MYH3: variants seen among roughly 807,000 people sequenced by gnomAD.
The protein encoded by MYH3 is myosin-3.
A neutral mutation model predicts 238.0 loss-of-function variants in MYH3; 130 were observed. The ratio of observed to expected loss-of-function variants is 0.55; its 90% CI spans 0.47 to 0.63. MYH3 has a LOEUF of 0.63. Ranked by LOEUF, MYH3 falls within the 30% of genes least tolerant of loss-of-function variation. The pLI is 0.00. For missense variants in MYH3, 1,853 were observed against 2,374.9 expected (o/e 0.78, Z 4.57); for synonymous variants, 880 against 924.1 (o/e 0.95, Z 0.86).
chr17:10,677,873 T>C, the MYH3 span: 1 of 152,270 alleles, frequency 6.6e-6, no homozygotes, highest in Non-Finnish European at 1.5e-5. Flanking sequence ...TCCCAGCACT[T>C]TGGGAGGCCG....
chr17:10,642,841 G>T lies in MYH3; in HGVS notation c.1566C>A (p.Ile522=), dbSNP rs146873206. The T allele has an allele frequency of 4.5e-4, 726 of 1,614,116 alleles. 6 individuals carry two copies. The African/African-American group carries it at 8.4e-3, about 19-fold the overall frequency. ...AACTGGATACCTTCTCGATGAGCTC[G>T]ATGCAGGCAGCCAGGTCCATCCCGA... The part of the protein sequence containing the change: ...IDFGMDLAAC[I]ELIEKPMGIF... Residue 522 remains isoleucine (I), a synonymous_variant, in exon 15 of 41, where the codon ATC becomes ATA. Transcript: ENST00000583535. This position sits in a 1 kb window ranked among gnomAD's most constrained non-coding sequence, Gnocchi z 5.4.
chr17:10,640,007 G>T lies in MYH3; in HGVS notation c.2671C>A (p.Gln891Lys). Residue 891 changes from glutamine (Q) to lysine (K), a missense_variant, in exon 22 of 41, where the codon CAA becomes AAA. Physicochemically the swap from Gln to Lys is moderately conservative, Grantham distance 53. Around this residue, in one of 3 missense-constraint regions of MYH3, gnomAD observed 678 missense variants for 1,058.9 expected, o/e 0.64. Transcript: ENST00000583535. ...LVQEKNDLQL[Q>K]VQAESENLLD... The stretch of plus-strand genomic sequence containing the variant: ...TGCTAAACACGTACAGCTTGTACTT[G>T]GAGCTGCAGGTCATTCTTCTCTTGG... 1 of 1,613,454 alleles carries T rather than the reference G, an allele frequency of 6.2e-7. No individual in the cohort carries two copies. The highest frequency in any genetic ancestry group is 1.7e-4 in the Middle Eastern group (1 of 5,998).
chr17:10,642,031 T>C lies in MYH3; in HGVS notation c.1959+209A>G, dbSNP rs1470917128. On this transcript the variant is annotated intron_variant, in intron 17 of 40. Coordinates refer to ENST00000583535, the MANE Select transcript of MYH3 (RefSeq NM_002470.4). The surrounding 1 kb of genome is among the most constrained non-coding windows in gnomAD (Gnocchi z 5.4). ...AAACTCGGACAAGCCAACTCAGCTA[T>C]CTTTGGTATAAGATAATAGTGATAC... Among the ~76,000 whole-genome samples the C allele has an allele frequency of 6.6e-6, 1 of 152,224 alleles. No homozygotes were observed. Among genetic ancestry groups the C allele is most frequent in the African/African-American group, 2.4e-5 (1 of 41,452 alleles).
Position 10,634,188 on chromosome 17 carries a change from A to G in MYH3, c.4357-6T>C, listed in dbSNP as rs1413902163. 1 of 1,614,008 alleles carries G rather than the reference A, an allele frequency of 6.2e-7. No individual in the cohort carries two copies. Among genetic ancestry groups the G allele is most frequent in the East Asian group, 2.2e-5 (1 of 44,890 alleles). ...GTCTTCCACTCTGCCAACACCTGAA[A>G]CACCGGACGGAAGTTCTCTCCGTTT... On this transcript the variant is annotated splice_region_variant and splice_polypyrimidine_tract_variant and intron_variant, in intron 31 of 40. Transcript: ENST00000583535.
Position 10,631,894 on chromosome 17 carries a change from C to T in MYH3, c.5079G>A (p.Leu1693=). 3 of 1,614,184 alleles carry T rather than the reference C, an allele frequency of 1.9e-6. No homozygotes were observed. The highest frequency in any genetic ancestry group is 2.5e-6 in the Non-Finnish European group (3 of 1,180,036). The change falls in exon 35 of 41, where the codon CTG becomes CTA. Residue 1693 remains leucine, a synonymous_variant. Transcript: ENST00000583535. The part of the protein sequence containing the change: ...QAEVEELRAT[L]EQTERARKLA... ...GTTTCCGGGCCCTCTCCGTCTGCTCCAGAGTAGCCCGCAGCTCCTCCACCT... is the reference window on the plus strand; with the variant it reads ...GTTTCCGGGCCCTCTCCGTCTGCTCTAGAGTAGCCCGCAGCTCCTCCACCT...
Position 10,649,565 on chromosome 17 carries a change from T to TC in MYH3, c.642+11dup. ...AGTGGAAGCAAAGCAAGCCTTCCTC[T>TC]CCCATCTATACCTTCATTTTGGAGT... On this transcript the variant is annotated intron_variant, in intron 7 of 40. Transcript: ENST00000583535. 6.2e-7 allele frequency: 1 copy of TC among 1,605,572 alleles called. No individual in the cohort carries two copies.
chr17:10,635,486 C>G lies in MYH3; in HGVS notation c.4053G>C (p.Glu1351Asp), dbSNP rs1236025508. The stretch of plus-strand genomic sequence containing the variant: ...TCTGCAGCTCAGCTTTGCCTTCCTG[C>G]TCCTCCTCATACTGTTCCCGCAGCA... ...CDLLREQYEE[E>D]QEGKAELQRA... Residue 1351 changes from glutamate (E) to aspartate (D), a missense_variant, in exon 30 of 41, where the codon GAG becomes GAC. Physicochemically the swap from Glu to Asp is conservative, Grantham distance 45. This residue lies in a region of MYH3 where 1,044 missense variants were observed against 1,192.6 expected (regional missense o/e 0.88). Coordinates refer to ENST00000583535, the MANE Select transcript of MYH3 (RefSeq NM_002470.4). 2 of 1,614,122 alleles carry G rather than the reference C, an allele frequency of 1.2e-6. No homozygotes were observed. The highest frequency in any genetic ancestry group is 3.3e-5 in the Admixed American group (2 of 60,008).
the MYH3 span, chr17:10,677,535 A>C: frequency 1.3e-5 from 2 of 152,186 alleles, no homozygotes; most frequent in South Asian, 2.1e-4. Context: ...AGAACAATAA[A>C]AGCTATTTTA....
upstream of MYH3, chr17:10,658,830 A>G (rs1461513106): frequency 6.6e-6 from 1 of 152,284 alleles, no homozygotes; most frequent in African/African-American, 2.4e-5. Flanking sequence ...CGTCACTCCT[A>G]AAGTGTCCGT....
chr17:10,630,747 A>G (rs552706222), intron 36 of MYH3, among the ~76,000 whole-genome samples: 2 of 151,976 alleles, frequency 1.3e-5, no homozygotes, highest in African/African-American at 4.8e-5. Flanking sequence ...GCTACTCCGG[A>G]GGCTGAGGCA....
rs746354595 is a variant in MYH3 at position 10,649,528 on chromosome 17, A to C, written c.642+49T>G. 4.1e-6 allele frequency: 6 copies of C among 1,447,760 alleles called. No individual in the cohort carries two copies. The Admixed American group carries it at 1.0e-4, about 24-fold the overall frequency. The allele number at this position is 1,447,760 out of a possible 1,614,324, so 89.7% of individuals were successfully genotyped here. A position where few individuals can be genotyped will look rare whatever the true frequency, so the allele number is the denominator to read the frequency against. On this transcript the variant is annotated intron_variant, in intron 7 of 40. Coordinates refer to ENST00000583535, the MANE Select transcript of MYH3 (RefSeq NM_002470.4). ...TTGGCCCCCTCATTCTGAGGTTAAGACCACAGTTAAAAGTGGAAGCAAAGC... is the reference window on the plus strand; with the variant it reads ...TTGGCCCCCTCATTCTGAGGTTAAGCCCACAGTTAAAAGTGGAAGCAAAGC...
At chr17:10,651,440 G>C in intron 5 of MYH3, 72 bp downstream of exon 5, 1 of 1,610,102 alleles carries the variant, frequency 6.2e-7, no homozygotes, top group Non-Finnish European at 8.5e-7. Flanking sequence ...CAGCCTGGGA[G>C]TAAGGGGCAA....
rs201922765 is a variant in MYH3 at position 10,633,746 on chromosome 17, A to G, written c.4523-31T>C. The G allele has an allele frequency of 1.3e-5, 21 of 1,613,210 alleles. No homozygotes were observed. The East Asian group carries it at 4.7e-4, about 36-fold the overall frequency. On this transcript the variant is annotated intron_variant, in intron 32 of 40. Coordinates refer to ENST00000583535, the MANE Select transcript of MYH3 (RefSeq NM_002470.4). Reference sequence around the variant, plus strand: ...AAGAAGTAAGTTTCAGTTGCATATGAGCGCCTCTGCGTGGGTTTCCAGACA... The same window carrying G: ...AAGAAGTAAGTTTCAGTTGCATATGGGCGCCTCTGCGTGGGTTTCCAGACA...
intron 33 of MYH3, 81 bp downstream of exon 33, chr17:10,633,510 A>G: frequency 1.3e-6 from 2 of 1,588,624 alleles, no homozygotes; most frequent in South Asian, 2.2e-5. Context: ...AAAAATGGAG[A>G]CACAGCATGG....
chr17:10,638,014 C>T, intron 27 of MYH3, 29 bp downstream of exon 27: 1 of 1,613,974 alleles, frequency 6.2e-7, no homozygotes, highest in Non-Finnish European at 8.5e-7. Context: ...TGATGGAAAG[C>T]CTTGAGCCAC....
At chr17:10,638,831 A>G (rs771128853) in intron 26 of MYH3, 42 bp downstream of exon 26, 19 of 1,584,154 alleles carry the variant, frequency 1.2e-5, no homozygotes, top group Admixed American at 1.2e-4. Flanking sequence ...AGCTCACTGT[A>G]AGTGGCCTCA....
At chr17:10,649,009 T>A (rs2074350012) in intron 7 of MYH3, among the ~76,000 whole-genome samples, 1 of 151,872 alleles carries the variant, frequency 6.6e-6, no homozygotes, top group Non-Finnish European at 1.5e-5. Context: ...AGAATGACAG[T>A]AAAAAATGCT....
rs200449352 is a variant in MYH3, at chr17:10,642,711, A to G, written c.1594T>C (p.Phe532Leu). The G allele has an allele frequency of 6.2e-7, 1 of 1,614,242 alleles. No homozygotes were observed. Among genetic ancestry groups the G allele is most frequent in the Non-Finnish European group, 8.5e-7 (1 of 1,180,054 alleles). The stretch of plus-strand genomic sequence containing the variant: ...ATGCACTCCTCTTCCAGGATGGAGA[A>G]GATGCCCATAGGCTGGATTGAAGGC... Reference protein sequence around the residue: ...IELIEKPMGIFSILEEECMFP... With the variant: ...IELIEKPMGILSILEEECMFP... Residue 532 changes from phenylalanine (F) to leucine (L), a missense_variant, in exon 16 of 41, where the codon TTC (phenylalanine) becomes CTC (leucine). Coordinates refer to ENST00000583535, the MANE Select transcript of MYH3 (RefSeq NM_002470.4). This position sits in a 1 kb window ranked among gnomAD's most constrained non-coding sequence, Gnocchi z 5.4.
rs1340128616 is a variant in MYH3 at position 10,654,782 on chromosome 17, G to A, written c.204+79C>T. 4.5e-6 allele frequency: 6 copies of A among 1,323,368 alleles called. No individual in the cohort carries two copies. The highest frequency in any genetic ancestry group is 6.6e-6 in the Non-Finnish European group (6 of 914,738). 82.0% of individuals were successfully genotyped at this position (1,323,368 alleles called of 1,614,324 possible). On this transcript the variant is annotated intron_variant, in intron 3 of 40. Transcript: ENST00000583535. This position sits in a 1 kb window ranked among gnomAD's most constrained non-coding sequence, Gnocchi z 4.5. The stretch of plus-strand genomic sequence containing the variant: ...TGGAACCACATCTGGAAGTGGCTGG[G>A]GTTGGGCAGATGCATACCCCAGGCA...
Sources: gnomAD v4.1 joint callset for allele counts (sites outside exome capture counted in the v4.1 genomes callset) on GRCh38, gnomAD v4.1.1 for gene constraint, gnomAD v4.1.1 regional missense constraint, Gnocchi (gnomAD v3.1) non-coding constraint, MANE v1.5 for transcripts, NCBI Gene and HGNC (gene_info 2026-07-23, HGNC 2026-07-21) for gene names.